NUTM2E: variants seen among roughly 807,000 people sequenced by gnomAD.
NUTM2E encodes family with sequence similarity 22, member E.
In NUTM2E, 3 loss-of-function variants were observed where a neutral mutation model predicts 26.1. That is an observed-to-expected ratio of 0.12 (90% confidence interval 0.05 to 0.30). The LOEUF is 0.30. Among genes scored for constraint, NUTM2E ranks in the 10% least tolerant of loss-of-function variants. The probability of loss-of-function intolerance (pLI) is 1.00; values close to 1 mark genes in which losing one functional copy is unlikely to be tolerated. For missense variants in NUTM2E, 62 were observed against 381.3 expected (o/e 0.16, Z 6.97); for synonymous variants, 13 against 157.5 (o/e 0.08, Z 6.87).
At chr10:79,834,086 T>C (rs1841945258) in intron 1 of NUTM2E, among the ~76,000 whole-genome samples, 1 of 151,508 alleles carries the variant, frequency 6.6e-6, no homozygotes, top group South Asian at 2.1e-4. Context: ...CTGGAAACCA[T>C]CATTATCAGC....
At chr10:79,834,585 T>C (rs955423185) in intron 1 of NUTM2E, among the ~76,000 whole-genome samples, 2 of 150,370 alleles carry the variant, frequency 1.3e-5, no homozygotes, top group African/African-American at 4.9e-5. Context: ...GGAGAGTCGC[T>C]TGAACCCGGG....
rs1159722445 is a variant in NUTM2E, at chr10:79,827,341, T to C, written c.-2744T>C. 6.5e-6 allele frequency: 1 copy of C among 153,024 alleles called. No homozygotes were observed. Among genetic ancestry groups the C allele is most frequent in the African/African-American group, 2.4e-5 (1 of 41,396 alleles). The allele number at this position is 153,024 out of a possible 1,614,324, so 9.5% of individuals were successfully genotyped here. On this transcript the variant is annotated 5_prime_UTR_variant, in exon 1 of 10. Coordinates refer to ENST00000429984, the MANE Select transcript of NUTM2E (RefSeq NM_001355263.2). Reference sequence around the variant, plus strand: ...ACTGAAAAAGAACATTACAACTTTTTTGAAAGAAATTTGGGGGTAAATTTA... The same window carrying C: ...ACTGAAAAAGAACATTACAACTTTTCTGAAAGAAATTTGGGGGTAAATTTA...
At chr10:79,828,921 T>C (rs1383108051) in intron 1 of NUTM2E, among the ~76,000 whole-genome samples, 1 of 151,830 alleles carries the variant, frequency 6.6e-6, no homozygotes, top group African/African-American at 2.4e-5. Flanking sequence ...AGTATTAATA[T>C]GGTGATGAAC....
intron 1 of NUTM2E, among the ~76,000 whole-genome samples, chr10:79,833,188 T>A (rs1841937667): frequency 6.6e-6 from 1 of 151,872 alleles, no homozygotes; most frequent in African/African-American, 2.4e-5. Context: ...CAAAAAGCAA[T>A]TAAGCAGAAG....
At position 79,838,606 on chromosome 10, in the gene NUTM2E, G is replaced by T. The variant is rs551357919; in HGVS notation, c.-2450+20G>T. ...GGCCAGGTGAGCAAGGGAAAGGAGC[G>T]CGGCCTGGGCATCCCGCAGGGCCCC... On this transcript the variant is annotated intron_variant, in intron 2 of 9. Transcript: ENST00000429984. Among the ~76,000 whole-genome samples the T allele has an allele frequency of 1.3e-5, 2 of 148,784 alleles. No individual in the cohort carries two copies. Among genetic ancestry groups the T allele is most frequent in the South Asian group, 2.2e-4 (1 of 4,538 alleles).
intron 1 of NUTM2E, among the ~76,000 whole-genome samples, chr10:79,830,395 GTTAC>G (rs1841919625): frequency 6.6e-6 from 1 of 151,698 alleles, no homozygotes; most frequent in Admixed American, 6.6e-5. Context: ...TATCTTCAAT[GTTAC>G]TTAAAGAAAC....
In NUTM2E at chr10:79,843,452, C is replaced by A. The variant is rs1842007140; in HGVS notation, c.383-721C>A. ...GGGGACTCCACCACTGCCTCTCAGA[C>A]CTGCTCCCTGGGAACAGAGCTTCCT... On this transcript the variant is annotated intron_variant, in intron 4 of 9. Transcript: ENST00000429984. Among the ~76,000 whole-genome samples, 2 of 23,818 alleles carry A rather than the reference C, an allele frequency of 8.4e-5. 1 individual carries two copies. Among genetic ancestry groups the A allele is most frequent in the Admixed American group, 1.3e-3 (2 of 1,538 alleles). 15.6% of individuals were successfully genotyped at this position (23,818 alleles called of 152,430 possible).
chr10:79,830,137 G>C (rs1841917329), intron 1 of NUTM2E, among the ~76,000 whole-genome samples: 1 of 151,338 alleles, frequency 6.6e-6, no homozygotes, highest in South Asian at 2.1e-4. Context: ...ACATATGCAG[G>C]ACTTAATCTG....
rs1350844616 is a variant in NUTM2E, at chr10:79,833,830, A to G, written c.-2727-4479A>G. Among the ~76,000 whole-genome samples the G allele has an allele frequency of 2.6e-5, 4 of 151,750 alleles. 1 individual carries two copies. The highest frequency in any genetic ancestry group is 7.3e-5 in the African/African-American group (3 of 41,374). ...ATTCCTCAAGGATCTAGAACTAGAA[A>G]TACCATTTGACCCAGTAATCCCATT... is the stretch of plus-strand genomic sequence containing the variant. On this transcript the variant is annotated intron_variant, in intron 1 of 9. Coordinates refer to ENST00000429984, the MANE Select transcript of NUTM2E (RefSeq NM_001355263.2).
At chr10:79,834,051 G>A (rs1301942905) in intron 1 of NUTM2E, among the ~76,000 whole-genome samples, 1 of 151,780 alleles carries the variant, frequency 6.6e-6, no homozygotes, top group Non-Finnish European at 1.5e-5. Flanking sequence ...ATGAGTTCAT[G>A]TTCTTTGCAG....
At chr10:79,834,433 C>G (rs1210223227) in intron 1 of NUTM2E, among the ~76,000 whole-genome samples, 1 of 151,424 alleles carries the variant, frequency 6.6e-6, no homozygotes, top group African/African-American at 2.4e-5. Context: ...GGGCATGGTG[C>G]CTCACACCTA....
intron 1 of NUTM2E, among the ~76,000 whole-genome samples, chr10:79,836,487 C>T (rs1660958730): frequency 6.6e-6 from 1 of 151,828 alleles, no homozygotes; most frequent in African/African-American, 2.4e-5. Flanking sequence ...TATTGTAATG[C>T]AAAAGGTACA....
At chr10:79,832,370 T>A (rs952326449) in intron 1 of NUTM2E, among the ~76,000 whole-genome samples, 2 of 151,682 alleles carry the variant, frequency 1.3e-5, no homozygotes, top group Non-Finnish European at 2.9e-5. Context: ...AAGCAGCGGA[T>A]TGAGAATCTG....
chr10:79,830,536 TG>T (rs1470457953), intron 1 of NUTM2E, among the ~76,000 whole-genome samples: 1 of 151,814 alleles, frequency 6.6e-6, no homozygotes, highest in East Asian at 1.9e-4. Context: ...ATTCCATTCA[TG>T]CATTTGTTCA....
rs1415049667 is a variant in NUTM2E, at chr10:79,827,208, C to A, written c.-2877C>A. ...GCGGCAGGGCCCCATCTGTGTCTTTCGCTCTCGAGCCCCCAGCTAGAGTTG... is the reference window on the plus strand; with the variant it reads ...GCGGCAGGGCCCCATCTGTGTCTTTAGCTCTCGAGCCCCCAGCTAGAGTTG... On this transcript the variant is annotated 5_prime_UTR_variant, in exon 1 of 10. Transcript: ENST00000429984. 6.6e-6 allele frequency: 1 copy of A among 152,502 alleles called. No homozygotes were observed. Among genetic ancestry groups the A allele is most frequent in the Non-Finnish European group, 1.5e-5 (1 of 67,592 alleles). The allele number at this position is 152,502 out of a possible 1,614,324, so 9.4% of individuals were successfully genotyped here. A position where few individuals can be genotyped will look rare whatever the true frequency, so the allele number is the denominator to read the frequency against.
Position 79,835,060 on chromosome 10 carries a change from A to G in NUTM2E, c.-2727-3249A>G, listed in dbSNP as rs561311354. 2.9e-4 allele frequency among the ~76,000 whole-genome samples: 43 copies of G among 150,714 alleles called. No individual in the cohort carries two copies. In the South Asian group the frequency reaches 7.0e-3, roughly 25 times the overall value. On this transcript the variant is annotated intron_variant, in intron 1 of 9. Transcript: ENST00000429984. Reference sequence around the variant, plus strand: ...TTGTTGCTGTGATTTGTATTAATGTAGACTGGCAGAGCCTGAAATGACAGA... The same window carrying G: ...TTGTTGCTGTGATTTGTATTAATGTGGACTGGCAGAGCCTGAAATGACAGA...
rs1841886434 is a variant in NUTM2E, at chr10:79,826,982, G to A, written c.-3103G>A. Reference sequence around the variant, plus strand: ...ACCCAGCATTGAGCTGCCAGCGGCTGTTCTCCCTAAGCACCCTCGCTCACG... The same window carrying A: ...ACCCAGCATTGAGCTGCCAGCGGCTATTCTCCCTAAGCACCCTCGCTCACG... On this transcript the variant is annotated 5_prime_UTR_variant, in exon 1 of 10. Coordinates refer to ENST00000429984, the MANE Select transcript of NUTM2E (RefSeq NM_001355263.2). The A allele has an allele frequency of 7.6e-6, 1 of 130,896 alleles. No homozygotes were observed. Among genetic ancestry groups the A allele is most frequent in the Non-Finnish European group, 1.7e-5 (1 of 60,124 alleles). The allele number at this position is 130,896 out of a possible 1,614,324, so 8.1% of individuals were successfully genotyped here. A position where few individuals can be genotyped will look rare whatever the true frequency, so the allele number is the denominator to read the frequency against.
chr10:79,845,628 GCT>G (rs1373660573), intron 5 of NUTM2E, among the ~76,000 whole-genome samples: 1 of 97,330 alleles, frequency 1.0e-5, no homozygotes, highest in South Asian at 2.8e-4. Flanking sequence ...TCCAGTGATA[GCT>G]CTGAGTGCAC....
chr10:79,832,887 GTGTA>G (rs1841935783), intron 1 of NUTM2E, among the ~76,000 whole-genome samples: 1 of 151,980 alleles, frequency 6.6e-6, no homozygotes, highest in African/African-American at 2.4e-5. Flanking sequence ...ATGTGTGTGT[GTGTA>G]TATGTGGGCA....
Sources: gnomAD v4.1 joint callset for allele counts (sites outside exome capture counted in the v4.1 genomes callset) on GRCh38, gnomAD v4.1.1 for gene constraint, MANE v1.5 for transcripts, NCBI Gene and HGNC (gene_info 2026-07-23, HGNC 2026-07-21) for gene names.